The following TACR1 variants were observed in gnomAD, a reference collection of about 807,000 sequenced individuals.
TACR1 encodes the protein tachykinin receptor 1.
Under a neutral mutation model 35.8 loss-of-function variants are expected in TACR1, and 25 were observed. The ratio of observed to expected loss-of-function variants is 0.70; its 90% CI spans 0.51 to 0.98. The LOEUF (loss-of-function observed/expected upper bound fraction) is 0.98. Ranked by LOEUF, TACR1 falls within the 50% of genes least tolerant of loss-of-function variation. The pLI, the probability that TACR1 is intolerant of heterozygous loss-of-function variation, is 0.00. For missense variants in TACR1, 478 were observed against 522.9 expected (o/e 0.91, Z 0.84); for synonymous variants, 195 against 206.7 (o/e 0.94, Z 0.48).
chr2:75,077,799 A>C (rs576356858), intron 2 of TACR1, among the ~76,000 whole-genome samples: 1 of 152,184 alleles, frequency 6.6e-6, no homozygotes, highest in Non-Finnish European at 1.5e-5. Flanking sequence ...GATAAGAGGT[A>C]TAAGGGAAGG....
At chr2:75,049,933 A>G (rs889706112) in intron 4 of TACR1, among the ~76,000 whole-genome samples, 4 of 151,992 alleles carry the variant, frequency 2.6e-5, no homozygotes, top group Non-Finnish European at 4.4e-5. Flanking sequence ...AAAAAATCCA[A>G]CACTGGAACA....
intron 1 of TACR1, among the ~76,000 whole-genome samples, chr2:75,132,786 G>A (rs1246649397): frequency 6.6e-6 from 1 of 152,200 alleles, no homozygotes; most frequent in Non-Finnish European, 1.5e-5. Context: ...TGGGACCACT[G>A]CAAACTGGAT....
intron 2 of TACR1, among the ~76,000 whole-genome samples, chr2:75,075,912 AC>A: frequency 6.6e-6 from 1 of 152,360 alleles, no homozygotes; most frequent in Middle Eastern, 3.4e-3. Flanking sequence ...TTACAAAATC[AC>A]CATAAAGCTA....
intron 1 of TACR1, among the ~76,000 whole-genome samples, chr2:75,163,615 C>T (rs17010840): frequency 0.1 from 15,227 of 152,108 alleles, 888 homozygotes; most frequent in Middle Eastern, 0.18. Flanking sequence ...TGAACTTCTT[C>T]CCTAATGACT....
intron 2 of TACR1, among the ~76,000 whole-genome samples, chr2:75,084,529 A>G (rs1423651794): frequency 6.6e-6 from 1 of 152,220 alleles, no homozygotes; most frequent in African/African-American, 2.4e-5. Flanking sequence ...TACCTCTGGT[A>G]GAATTCGGCT....
At chr2:75,153,588 GA>G (rs538160260) in intron 1 of TACR1, among the ~76,000 whole-genome samples, 4 of 152,188 alleles carry the variant, frequency 2.6e-5, no homozygotes, top group South Asian at 2.1e-4. Flanking sequence ...ATAGGATCAG[GA>G]AAAAAACCCA....
chr2:75,137,099 C>G (rs1274184710), intron 1 of TACR1, among the ~76,000 whole-genome samples: 1 of 152,082 alleles, frequency 6.6e-6, no homozygotes, highest in East Asian at 1.9e-4. Context: ...CATGAGTGTT[C>G]CTTGTATACT....
intron 2 of TACR1, among the ~76,000 whole-genome samples, chr2:75,092,418 G>GT (rs1239612669): frequency 6.6e-6 from 1 of 151,656 alleles, no homozygotes; most frequent in Non-Finnish European, 1.5e-5. Context: ...AGTCTTTGGG[G>GT]TTAAAAAAAA....
At chr2:75,059,714 C>CA (rs1415836442) in intron 2 of TACR1, among the ~76,000 whole-genome samples, 7 of 152,212 alleles carry the variant, frequency 4.6e-5, no homozygotes, top group African/African-American at 7.2e-5. Context: ...GATGGTCCTG[C>CA]AAATGCAAGG....
At chr2:75,141,016 A>C (rs1674390791) in intron 1 of TACR1, among the ~76,000 whole-genome samples, 1 of 152,156 alleles carries the variant, frequency 6.6e-6, no homozygotes, top group African/African-American at 2.4e-5. Context: ...CATGGTTACA[A>C]AACTCTCTCT....
At chr2:75,194,739 A>T (rs1345166526) in intron 1 of TACR1, among the ~76,000 whole-genome samples, 2 of 152,174 alleles carry the variant, frequency 1.3e-5, no homozygotes, top group African/African-American at 4.8e-5. Context: ...TCTCAGAGAG[A>T]CCATTTTATT....
At chr2:75,162,204 C>T (rs1675027118) in intron 1 of TACR1, among the ~76,000 whole-genome samples, 1 of 152,090 alleles carries the variant, frequency 6.6e-6, no homozygotes, top group Non-Finnish European at 1.5e-5. Context: ...TGTTATTGCT[C>T]TGTGACACTT....
At chr2:75,185,119 G>C (rs527365991) in intron 1 of TACR1, among the ~76,000 whole-genome samples, 24 of 151,942 alleles carry the variant, frequency 1.6e-4, no homozygotes, top group African/African-American at 5.5e-4. Flanking sequence ...TTCATTGTAG[G>C]ACAAAAGTAA....
At chr2:75,177,104 C>G (rs573333765) in intron 1 of TACR1, among the ~76,000 whole-genome samples, 2 of 152,170 alleles carry the variant, frequency 1.3e-5, no homozygotes, top group East Asian at 3.9e-4. Flanking sequence ...ACCAGGAGTA[C>G]TTGCTGCCCC....
At chr2:75,190,347 C>G (rs142549810) in intron 1 of TACR1, among the ~76,000 whole-genome samples, 1 of 152,158 alleles carries the variant, frequency 6.6e-6, no homozygotes, top group South Asian at 2.1e-4. Flanking sequence ...AAATGATGGA[C>G]TACTGGTAGA....
intron 2 of TACR1, among the ~76,000 whole-genome samples, chr2:75,106,762 T>C (rs1037129278): frequency 2.6e-5 from 4 of 151,890 alleles, no homozygotes; most frequent in Admixed American, 2.6e-4. Context: ...TAACTATTTA[T>C]ATAACGAAAT....
At chr2:75,054,462 C>A (rs1476373346) in intron 2 of TACR1, among the ~76,000 whole-genome samples, 1 of 152,078 alleles carries the variant, frequency 6.6e-6, no homozygotes, top group Non-Finnish European at 1.5e-5. Flanking sequence ...CTGCCTGGGT[C>A]CCTGAATTAC....
intron 1 of TACR1, among the ~76,000 whole-genome samples, chr2:75,144,761 A>G (rs1330379700): frequency 6.6e-6 from 1 of 152,220 alleles, no homozygotes; most frequent in Non-Finnish European, 1.5e-5. Context: ...ATGTGAATTT[A>G]TCTTATAAAT....
chr2:75,082,931 T>G (rs1018127893), intron 2 of TACR1, among the ~76,000 whole-genome samples: 156 of 152,248 alleles, frequency 1.0e-3, no homozygotes, highest in African/African-American at 3.2e-3. Context: ...TTAGTTTAAT[T>G]AGATCCCATT....
Sources: allele counts gnomAD v4.1 joint callset (sites outside exome capture counted in the v4.1 genomes callset), GRCh38; gene constraint gnomAD v4.1.1; transcripts MANE v1.5; gene names NCBI Gene and HGNC (gene_info 2026-07-23, HGNC 2026-07-21).